Variants in OR2AT4 observed in about 807,000 individuals in gnomAD.
The protein encoded by OR2AT4 is olfactory receptor family 2 subfamily AT member 4.
Under a neutral mutation model 10.3 loss-of-function variants are expected in OR2AT4, and 6 were observed. That is an observed-to-expected ratio of 0.58 (90% CI 0.32 to 1.15). The LOEUF is 1.15. Ranked by LOEUF, OR2AT4 falls within the 50% of genes most tolerant of loss-of-function variation. The probability of loss-of-function intolerance (pLI) is 0.05; values close to 1 mark genes in which losing one functional copy is unlikely to be tolerated. For missense variants in OR2AT4, 354 were observed against 393.8 expected, an observed-to-expected ratio of 0.90 and a Z score of 0.85; for synonymous variants, 145 against 159.1, an observed-to-expected ratio of 0.91 and a Z score of 0.67.
intron 1 of OR2AT4, among the ~76,000 whole-genome samples, chr11:75,093,253 G>C (rs773954236): frequency 4.6e-5 from 7 of 152,222 alleles, no homozygotes; most frequent in Non-Finnish European, 8.8e-5. Context: ...CCCTCTGTAA[G>C]AGCATGACTT....
exon 2 of OR2AT4, chr11:75,088,438 A>G (rs1437288614): frequency 5.0e-6 from 1 of 198,542 alleles, no homozygotes; most frequent in African/African-American, 2.3e-5. Context: ...TTGTCTACAC[A>G]TATATTTTGC....
At chr11:75,091,841 C>T (rs1384002841) in intron 1 of OR2AT4, among the ~76,000 whole-genome samples, 1 of 151,998 alleles carries the variant, frequency 6.6e-6, no homozygotes, top group East Asian at 1.9e-4. Context: ...TGTATGTTTA[C>T]GAAAGTTTAT....
At chr11:75,088,748 A>G (rs1949301552) in exon 2 of OR2AT4, 2 of 1,546,448 alleles carry the variant, frequency 1.3e-6, no homozygotes, top group African/African-American at 2.7e-5. Context: ...CTGCATTTAA[A>G]GGTCAAATGC....
chr11:75,085,812 T>C (rs1236622056), exon 2 of OR2AT4: 11 of 151,912 alleles, frequency 7.2e-5, no homozygotes. Context: ...ACATAGTCCC[T>C]CCCCTCCCCA....
intron 1 of OR2AT4, among the ~76,000 whole-genome samples, chr11:75,095,560 T>C (rs11236326): frequency 0.33 from 50,525 of 151,986 alleles, 10,418 homozygotes; most frequent in African/African-American, 0.57. Flanking sequence ...TACTGCACCA[T>C]CCTTCCCAGG....
chr11:75,094,423 A>G (rs1949336632), intron 1 of OR2AT4, among the ~76,000 whole-genome samples: 1 of 152,184 alleles, frequency 6.6e-6, no homozygotes, highest in South Asian at 2.1e-4. Flanking sequence ...GTTTTCTGTC[A>G]GAGAGTGAAG....
exon 2 of OR2AT4, chr11:75,088,020 C>T (rs1185571818): frequency 6.6e-6 from 1 of 152,124 alleles, no homozygotes; most frequent in African/African-American, 2.4e-5. Flanking sequence ...TAACACATAT[C>T]CTAGAGATGA....
chr11:75,089,232 G>A (rs1949307919), exon 2 of OR2AT4: 3 of 1,614,170 alleles, frequency 1.9e-6, no homozygotes, highest in South Asian at 1.1e-5. Context: ...TGCTGGGATG[G>A]GCAGGAGGAG....
intron 1 of OR2AT4, among the ~76,000 whole-genome samples, chr11:75,094,993 C>A (rs1949339321): frequency 6.6e-6 from 1 of 152,100 alleles, no homozygotes; most frequent in Admixed American, 6.6e-5. Context: ...TCAGAGAAGT[C>A]AATTATGGAT....
At chr11:75,095,056 C>T (rs55986601) in intron 1 of OR2AT4, among the ~76,000 whole-genome samples, 34,227 of 152,044 alleles carry the variant, frequency 0.23, 4,340 homozygotes, top group East Asian at 0.35. Context: ...AATTCAGAGC[C>T]GTCAAGCCTG....
chr11:75,091,176 C>T (rs1949318730), intron 1 of OR2AT4, among the ~76,000 whole-genome samples: 1 of 152,198 alleles, frequency 6.6e-6, no homozygotes, highest in Non-Finnish European at 1.5e-5. Flanking sequence ...CTCTACCTGC[C>T]TAACAAAGAG....
chr11:75,089,338 C>T, exon 2 of OR2AT4: 2 of 1,614,202 alleles, frequency 1.2e-6, no homozygotes, highest in East Asian at 2.2e-5. Context: ...ACATAGCGGT[C>T]ATAGGCCATG....
chr11:75,089,114 C>G (rs1354606674), exon 2 of OR2AT4: 1 of 1,613,760 alleles, frequency 6.2e-7, no homozygotes, highest in Admixed American at 1.7e-5. Context: ...CCATGAGGGT[C>G]TGGGGGGTGG....
At chr11:75,083,251 A>G (rs1347047899) in exon 2 of OR2AT4, 2 of 152,230 alleles carry the variant, frequency 1.3e-5, no homozygotes, top group Non-Finnish European at 2.9e-5. Context: ...ACATAAACAG[A>G]CACTTCTAAA....
exon 2 of OR2AT4, chr11:75,085,492 C>A (rs1006270162): frequency 4.6e-5 from 7 of 152,040 alleles, no homozygotes; most frequent in Non-Finnish European, 8.8e-5. Flanking sequence ...GACGGGAAAG[C>A]TTCCTAATTC....
At chr11:75,092,963 G>A (rs1949327036) in intron 1 of OR2AT4, among the ~76,000 whole-genome samples, 1 of 152,086 alleles carries the variant, frequency 6.6e-6, no homozygotes, top group Non-Finnish European at 1.5e-5. Context: ...AGCTGGGCAT[G>A]GTAGCACACG....
At chr11:75,095,651 G>A (rs1364271244) in intron 1 of OR2AT4, among the ~76,000 whole-genome samples, 1 of 148,676 alleles carries the variant, frequency 6.7e-6, no homozygotes, top group Non-Finnish European at 1.5e-5. Context: ...GGGGCCATTA[G>A]TGATTAAATA....
chr11:75,093,768 C>A (rs1053080554), intron 1 of OR2AT4, among the ~76,000 whole-genome samples: 1 of 149,192 alleles, frequency 6.7e-6, no homozygotes, highest in African/African-American at 2.5e-5. Flanking sequence ...AATATCCAGG[C>A]GGCTTTTCCT....
chr11:75,096,819 C>G lies in OR2AT4; in HGVS notation c.-652+9G>C, dbSNP rs1027939834. 6.5e-6 allele frequency: 1 copy of G among 152,704 alleles called. No individual in the cohort carries two copies. Among genetic ancestry groups the G allele is most frequent in the Admixed American group, 6.5e-5 (1 of 15,294 alleles). 9.5% of individuals were successfully genotyped at this position (152,704 alleles called of 1,614,324 possible). On this transcript the variant is annotated intron_variant, in intron 1 of 1. Transcript: ENST00000641504. ...TCTGCGCACTCCATCCCCAGCCCAG[C>G]TCACCTACCAATCCTGGTCCGCCTT...
Sources: gnomAD v4.1 joint callset for allele counts (sites outside exome capture counted in the v4.1 genomes callset) on GRCh38, gnomAD v4.1.1 for gene constraint, MANE v1.5 for transcripts, NCBI Gene and HGNC (gene_info 2026-07-23, HGNC 2026-07-21) for gene names.